Variants in RBM43 observed in about 807,000 individuals in gnomAD.
The protein encoded by RBM43 is RNA-binding protein 43.
In RBM43, 12 loss-of-function variants were observed where a neutral mutation model predicts 12.4. The ratio of observed to expected loss-of-function variants is 0.97; its 90% CI spans 0.62 to 1.57. The LOEUF is 1.57. Ranked by LOEUF, RBM43 falls within the 40% of genes most tolerant of loss-of-function variation. The pLI is 0.00. For missense variants in RBM43, 348 were observed against 400.1 expected (o/e 0.87, Z 1.11); for synonymous variants, 138 against 145.7 (o/e 0.95, Z 0.38).
Position 151,255,533 on chromosome 2 carries a change from C to A in RBM43, c.214G>T (p.Val72Phe). ...TTACAAAAATTTGACTTGGAAATAC[C>A]TTTTTTTTCTTTGAATATTACATAT... ...VAYVIFKEKK[V>F]AENVIRQKKH... Residue 72 changes from valine to phenylalanine, a missense_variant and splice_region_variant, in exon 2 of 4, where the codon GTT becomes TTT. Transcript: ENST00000331426. 1 of 1,586,518 alleles carries A rather than the reference C, an allele frequency of 6.3e-7. No homozygotes were observed. The highest frequency in any genetic ancestry group is 1.2e-5 in the South Asian group (1 of 85,450).
chr2:151,257,226 G>T (rs1682986108), intron 1 of RBM43, among the ~76,000 whole-genome samples: 1 of 152,106 alleles, frequency 6.6e-6, no homozygotes, highest in African/African-American at 2.4e-5. Context: ...CAGTCCAGAG[G>T]CCTCTCTATT....
chr2:151,261,772 C>CATCG lies in RBM43; in HGVS notation c.-46_-45insCGAT, dbSNP rs1683051371. ...CTCAGCGGCCGCAGAAAGCCCACAA[C>CATCG]CAGCGGAACGCAGGCGATGGGGAGA... On this transcript the variant is annotated 5_prime_UTR_variant, in exon 1 of 4. The change creates a new upstream start codon in the 5' untranslated region. Transcript: ENST00000331426. 6.3e-7 allele frequency: 1 copy of CATCG among 1,590,822 alleles called. No individual in the cohort carries two copies. Among genetic ancestry groups the CATCG allele is most frequent in the Admixed American group, 1.8e-5 (1 of 55,274 alleles).
intron 3 of RBM43, 102 bp from the exon 4 acceptor site, chr2:151,251,766 T>C (rs927481016): frequency 1.7e-6 from 2 of 1,191,028 alleles, no homozygotes; most frequent in Non-Finnish European, 2.3e-6. Flanking sequence ...GAAATTGCAA[T>C]AAACCAGGCC....
rs571268609 is a variant in RBM43, at chr2:151,255,340, C to T, written c.214+193G>A. On this transcript the variant is annotated intron_variant, in intron 2 of 3. Transcript: ENST00000331426. ...GGCTGAGGCAGGAGAATCACTTGAA[C>T]CTGGGAGGCAGAGGTTGCAGTGAGC... Among the ~76,000 whole-genome samples, 10 of 152,134 alleles carry T rather than the reference C, an allele frequency of 6.6e-5. No individual in the cohort carries two copies. In the South Asian group the frequency reaches 1.2e-3, roughly 19 times the overall value.
chr2:151,260,961 G>T, intron 1 of RBM43: 2 of 338,260 alleles, frequency 5.9e-6, no homozygotes, highest in Non-Finnish European at 1.1e-5. Context: ...GCATTGGGAA[G>T]AAACAGAAGA....
intron 1 of RBM43, chr2:151,260,989 T>G: frequency 2.6e-6 from 1 of 391,878 alleles, no homozygotes; most frequent in Non-Finnish European, 4.8e-6. Context: ...ACTGCATTTG[T>G]TTATATTGAT....
chr2:151,258,962 G>A (rs1683010416), intron 1 of RBM43, among the ~76,000 whole-genome samples: 1 of 152,122 alleles, frequency 6.6e-6, no homozygotes, highest in Non-Finnish European at 1.5e-5. Flanking sequence ...GGCCAACATG[G>A]TGAAACCCCA....
At chr2:151,255,973 C>CT (rs934034765) in intron 1 of RBM43, among the ~76,000 whole-genome samples, 2 of 151,512 alleles carry the variant, frequency 1.3e-5, no homozygotes, top group Admixed American at 1.3e-4. Context: ...TTCTTTTTTT[C>CT]TTTTTTGAGA....
intron 2 of RBM43, among the ~76,000 whole-genome samples, chr2:151,253,888 C>CG (rs1682940889): frequency 6.6e-6 from 1 of 151,768 alleles, no homozygotes; most frequent in Non-Finnish European, 1.5e-5. Context: ...TTACCAGTCC[C>CG]TCCCTTGGCC....
intron 1 of RBM43, 122 bp downstream of exon 1, chr2:151,261,603 G>A: frequency 2.0e-6 from 3 of 1,536,798 alleles, no homozygotes; most frequent in Middle Eastern, 2.2e-4. Context: ...TCCGTGCGCC[G>A]CCCCCTCCCG....
intron 3 of RBM43, 115 bp downstream of exon 3, chr2:151,252,639 AT>A: frequency 1.7e-6 from 1 of 600,564 alleles, no homozygotes; most frequent in Non-Finnish European, 3.0e-6. Flanking sequence ...GGGAGTTTGC[AT>A]TTTCCTTCCT....
chr2:151,257,211 G>A (rs1403493876), intron 1 of RBM43, among the ~76,000 whole-genome samples: 1 of 152,084 alleles, frequency 6.6e-6, no homozygotes, highest in African/African-American at 2.4e-5. Context: ...GGAATTTGGG[G>A]CCCTCAGTCC....
chr2:151,251,725 T>C (rs2105189234), intron 3 of RBM43, 61 bp from the exon 4 acceptor site: 1 of 1,466,058 alleles, frequency 6.8e-7, no homozygotes, highest in African/African-American at 1.4e-5. Context: ...TACATAAACA[T>C]GTTCTTTTCT....
In RBM43 at chr2:151,248,282, G is replaced by A. The variant is rs1034194174; in HGVS notation, c.*2624C>T. The A allele has an allele frequency of 9.9e-5, 15 of 152,032 alleles. No homozygotes were observed. The highest frequency in any genetic ancestry group is 3.6e-4 in the African/African-American group (15 of 41,384). The allele number at this position is 152,032 out of a possible 1,614,324, so 9.4% of individuals were successfully genotyped here. On this transcript the variant is annotated 3_prime_UTR_variant, in exon 4 of 4. Coordinates refer to ENST00000331426, the MANE Select transcript of RBM43 (RefSeq NM_198557.3). ...CTTTGTCATTGAAGATAAAAATGCT[G>A]CTATTCTTTTTTGTATAGGGAGGAA...
chr2:151,250,441 A>T lies in RBM43; in HGVS notation c.*465T>A, dbSNP rs1286361704. 6.6e-6 allele frequency: 1 copy of T among 152,526 alleles called. No homozygotes were observed. Among genetic ancestry groups the T allele is most frequent in the Non-Finnish European group, 1.5e-5 (1 of 68,376 alleles). 9.4% of individuals were successfully genotyped at this position (152,526 alleles called of 1,614,324 possible). A position where few individuals can be genotyped will look rare whatever the true frequency, so the allele number is the denominator to read the frequency against. On this transcript the variant is annotated 3_prime_UTR_variant, in exon 4 of 4. Coordinates refer to ENST00000331426, the MANE Select transcript of RBM43 (RefSeq NM_198557.3). ...GAAACCCCATCTCTACTAAAAAAAT[A>T]CAAAAAGATTAGCCGGGCGTGGTGG...
rs1229416342 is a variant in RBM43 at position 151,248,984 on chromosome 2, C to CAAACAAGA, written c.*1914_*1921dup. ...AAATAATTCTACCCAACAGATCTAC[C>CAAACAAGA]AAACAAGAGGGGGAAAGACCTCTCC... On this transcript the variant is annotated 3_prime_UTR_variant, in exon 4 of 4. Transcript: ENST00000331426. 6.6e-6 allele frequency: 1 copy of CAAACAAGA among 152,130 alleles called. No individual in the cohort carries two copies. Among genetic ancestry groups the CAAACAAGA allele is most frequent in the Non-Finnish European group, 1.5e-5 (1 of 68,036 alleles). The allele number at this position is 152,130 out of a possible 1,614,324, so 9.4% of individuals were successfully genotyped here.
At position 151,261,369 on chromosome 2, in the gene RBM43, G is replaced by T. The variant is rs1444115390; in HGVS notation, c.3+356C>A. 3.9e-6 allele frequency: 6 copies of T among 1,550,512 alleles called. No homozygotes were observed. The Admixed American group carries it at 5.9e-5, about 15-fold the overall frequency. On this transcript the variant is annotated intron_variant, in intron 1 of 3. Coordinates refer to ENST00000331426, the MANE Select transcript of RBM43 (RefSeq NM_198557.3). ...GACAACAGTTAAGCCCTAACAGCCT[G>T]CGAAGCAGCTCCTCGACGAACGGCG... is the stretch of plus-strand genomic sequence containing the variant.
chr2:151,250,886 A>G lies in RBM43; in HGVS notation c.*20T>C. 6.5e-7 allele frequency: 1 copy of G among 1,549,974 alleles called. No individual in the cohort carries two copies. Among genetic ancestry groups the G allele is most frequent in the Middle Eastern group, 2.2e-4 (1 of 4,474 alleles). ...TCAGCAAGAGAAAGCAGCCCTTATGACTATATTGCTGAGATTTTATTAACT... is the reference window on the plus strand; with the variant it reads ...TCAGCAAGAGAAAGCAGCCCTTATGGCTATATTGCTGAGATTTTATTAACT... On this transcript the variant is annotated 3_prime_UTR_variant, in exon 4 of 4. Transcript: ENST00000331426.
rs369484668 is a variant in RBM43 at position 151,261,711 on chromosome 2, C to T, written c.3+14G>A. ...CGGACCTGCACCGCAAAACCCAAAG[C>T]AAAAGCAACTTGCCATGGCGGAGGG... On this transcript the variant is annotated intron_variant, in intron 1 of 3. Coordinates refer to ENST00000331426, the MANE Select transcript of RBM43 (RefSeq NM_198557.3). 297 of 1,600,722 alleles carry T rather than the reference C, an allele frequency of 1.9e-4. 3 individuals are homozygous for T. In the African/African-American group the frequency reaches 3.5e-3, roughly 19 times the overall value.
Sources: allele counts gnomAD v4.1 joint callset (sites outside exome capture counted in the v4.1 genomes callset), GRCh38; gene constraint gnomAD v4.1.1; transcripts MANE v1.5; gene names NCBI Gene and HGNC (gene_info 2026-07-23, HGNC 2026-07-21).